The following FUCA2 variants were observed in gnomAD, a reference collection of about 807,000 sequenced individuals.
FUCA2 encodes the protein plasma alpha-L-fucosidase.
Under a neutral mutation model 52.6 loss-of-function variants are expected in FUCA2, and 41 were observed. The ratio of observed to expected loss-of-function variants is 0.78; its 90% CI spans 0.61 to 1.01. The LOEUF (loss-of-function observed/expected upper bound fraction) is 1.01. Ranked by LOEUF, FUCA2 falls within the 50% of genes least tolerant of loss-of-function variation. The probability of loss-of-function intolerance (pLI) is 0.00; values close to 1 mark genes in which losing one functional copy is unlikely to be tolerated. For synonymous variants in FUCA2, 211 were observed against 217.3 expected (o/e 0.97, Z 0.26); for missense variants, 507 against 569.5 (o/e 0.89, Z 1.12).
At chr6:143,508,519 G>A (rs905755687) in intron 1 of FUCA2, among the ~76,000 whole-genome samples, 1 of 152,250 alleles carries the variant, frequency 6.6e-6, no homozygotes, top group Non-Finnish European at 1.5e-5. Context: ...CTGCCCAAAA[G>A]TCGTATTTAC....
At chr6:143,506,304 C>T (rs1780607299) in intron 2 of FUCA2, 1 of 151,230 alleles carries the variant, frequency 6.6e-6, no homozygotes, top group African/African-American at 2.4e-5. Flanking sequence ...ACCTAAGCCT[C>T]CCAAGTAGCT....
In FUCA2 at chr6:143,509,099, G is replaced by A. The variant is rs1314002170; in HGVS notation, c.225-1675C>T. ...ATTCAGAAAGTTGAACAAGAATAAG[G>A]AATTTCTCCTAGCATCATCTAATTT... On this transcript the variant is annotated intron_variant, in intron 1 of 6. Transcript: ENST00000002165. This position sits in a 1 kb window ranked among gnomAD's most constrained non-coding sequence, Gnocchi z 5.4. Among the ~76,000 whole-genome samples, 4 of 152,122 alleles carry A rather than the reference G, an allele frequency of 2.6e-5. No individual in the cohort carries two copies. The highest frequency in any genetic ancestry group is 4.4e-5 in the Non-Finnish European group (3 of 68,020).
At chr6:143,498,711 G>A (rs558914607) in intron 5 of FUCA2, among the ~76,000 whole-genome samples, 2 of 152,154 alleles carry the variant, frequency 1.3e-5, no homozygotes, top group African/African-American at 2.4e-5. Context: ...CCTTCTCTCT[G>A]AGACTGGAAG....
rs1240590925 is a variant in FUCA2 at position 143,497,993 on chromosome 6, TA to T, written c.1155-497del. ...AGACACTAAACAATCACACAAATAA[TA>T]TGAAAGTGTGAGTTCTGATAAGCAC... On this transcript the variant is annotated intron_variant, in intron 5 of 6. Transcript: ENST00000002165. This position sits in a 1 kb window ranked among gnomAD's most constrained non-coding sequence, Gnocchi z 5.3. Among the ~76,000 whole-genome samples, 1 of 151,998 alleles carries T rather than the reference TA, an allele frequency of 6.6e-6. No individual in the cohort carries two copies. The highest frequency in any genetic ancestry group is 1.5e-5 in the Non-Finnish European group (1 of 68,000).
Position 143,495,950 on chromosome 6 carries a change from C to G in FUCA2, c.1264-103G>C. 1 of 1,157,272 alleles carries G rather than the reference C, an allele frequency of 8.6e-7. No homozygotes were observed. Among genetic ancestry groups the G allele is most frequent in the Non-Finnish European group, 1.2e-6 (1 of 807,776 alleles). 71.7% of individuals were successfully genotyped at this position (1,157,272 alleles called of 1,614,324 possible). On this transcript the variant is annotated intron_variant, in intron 6 of 6. Coordinates refer to ENST00000002165, the MANE Select transcript of FUCA2 (RefSeq NM_032020.5). This position sits in a 1 kb window ranked among gnomAD's most constrained non-coding sequence, Gnocchi z 5.2. ...TTAGTAGTTCAAACAAAATTGTAGA[C>G]AAGAGGTTCATTTTTACCTTTATTT...
Position 143,504,649 on chromosome 6 carries a change from G to A in FUCA2, c.413-397C>T, listed in dbSNP as rs1584028590. On this transcript the variant is annotated intron_variant, in intron 2 of 6. Transcript: ENST00000002165. The surrounding 1 kb of genome is among the most constrained non-coding windows in gnomAD (Gnocchi z 4.4). ...ACAACTAAGATGGGAACATATACAT[G>A]TACCATGCTAAATGATGACTACCAC... 3 of 161,942 alleles carry A rather than the reference G, an allele frequency of 1.9e-5. No homozygotes were observed. The highest frequency in any genetic ancestry group is 3.5e-4 in the East Asian group (2 of 5,636). 10.0% of individuals were successfully genotyped at this position (161,942 alleles called of 1,614,324 possible).
Position 143,507,264 on chromosome 6 carries a change from T to C in FUCA2, c.385A>G (p.Ile129Val). The change falls in exon 2 of 7, where the codon ATT becomes GTT. Residue 129 changes from isoleucine (I) to valine (V), a missense_variant. Transcript: ENST00000002165. The surrounding 1 kb of genome is among the most constrained non-coding windows in gnomAD (Gnocchi z 4.5). The stretch of plus-strand genomic sequence containing the variant: ...TCATGATGTTTGGAAGTTAAGACAA[T>C]GTATTTGGCACCAGAGGCCTGAAAA... ...DIFQASGAKY[I>V]VLTSKHHEGF... The C allele has an allele frequency of 6.3e-7, 1 of 1,599,694 alleles. No individual in the cohort carries two copies. The highest frequency in any genetic ancestry group is 1.1e-5 in the South Asian group (1 of 87,972).
At position 143,502,963 on chromosome 6, in the gene FUCA2, A is replaced by G. The variant is rs1780550834; in HGVS notation, c.753-398T>C. 1 of 165,866 alleles carries G rather than the reference A, an allele frequency of 6.0e-6. No homozygotes were observed. The highest frequency in any genetic ancestry group is 1.3e-5 in the Non-Finnish European group (1 of 75,388). The allele number at this position is 165,866 out of a possible 1,614,324, so 10.3% of individuals were successfully genotyped here. On this transcript the variant is annotated intron_variant, in intron 3 of 6. Coordinates refer to ENST00000002165, the MANE Select transcript of FUCA2 (RefSeq NM_032020.5). The surrounding 1 kb of genome is among the most constrained non-coding windows in gnomAD (Gnocchi z 4.1). ...TATACCCAAGACACTTTTCTTTTCAATGATTCAATGATCTCATACATGTAG... is the reference window on the plus strand; with the variant it reads ...TATACCCAAGACACTTTTCTTTTCAGTGATTCAATGATCTCATACATGTAG...
chr6:143,495,534 G>T lies in FUCA2; in HGVS notation c.*173C>A, dbSNP rs1208035885. ...GCAAAGTGCACTGGAGAGTTAAAAT[G>T]GTTACATGGGTAATTTAAGAAAAAA... On this transcript the variant is annotated 3_prime_UTR_variant, in exon 7 of 7. Coordinates refer to ENST00000002165, the MANE Select transcript of FUCA2 (RefSeq NM_032020.5). This position sits in a 1 kb window ranked among gnomAD's most constrained non-coding sequence, Gnocchi z 5.2. 5.2e-6 allele frequency: 3 copies of T among 572,638 alleles called. No homozygotes were observed. 35.5% of individuals were successfully genotyped at this position (572,638 alleles called of 1,614,324 possible).
rs1780554510 is a variant in FUCA2 at position 143,503,258 on chromosome 6, TG to T, written c.752+654del. Reference sequence around the variant, plus strand: ...AGAATATTTGTATTTGTGCCCTTTGTGGGCCCAGGAAGTGCAAGCAGAAGGT... The same window carrying T: ...AGAATATTTGTATTTGTGCCCTTTGTGGCCCAGGAAGTGCAAGCAGAAGGT... On this transcript the variant is annotated intron_variant, in intron 3 of 6. Coordinates refer to ENST00000002165, the MANE Select transcript of FUCA2 (RefSeq NM_032020.5). The surrounding 1 kb of genome is among the most constrained non-coding windows in gnomAD (Gnocchi z 4.8). 2 of 152,576 alleles carry T rather than the reference TG, an allele frequency of 1.3e-5. No individual in the cohort carries two copies. Among genetic ancestry groups the T allele is most frequent in the Admixed American group, 1.3e-4 (2 of 15,304 alleles). The allele number at this position is 152,576 out of a possible 1,614,324, so 9.5% of individuals were successfully genotyped here. A position where few individuals can be genotyped will look rare whatever the true frequency, so the allele number is the denominator to read the frequency against.
rs3789788 is a variant in FUCA2, at chr6:143,502,621, A to T, written c.753-56T>A. On this transcript the variant is annotated intron_variant, in intron 3 of 6. Coordinates refer to ENST00000002165, the MANE Select transcript of FUCA2 (RefSeq NM_032020.5). The surrounding 1 kb of genome is among the most constrained non-coding windows in gnomAD (Gnocchi z 4.1). ...AAAGGTATAAGCTTTTTATACAAAA[A>T]GAAATGTCACTGAAAAGACATGTAA... 8 of 1,414,780 alleles carry T rather than the reference A, an allele frequency of 5.7e-6. No individual in the cohort carries two copies. The African/African-American group carries it at 1.1e-4, about 20-fold the overall frequency. 87.6% of individuals were successfully genotyped at this position (1,414,780 alleles called of 1,614,324 possible).
rs768464986 is a variant in FUCA2, at chr6:143,501,985, A to T, written c.1101T>A (p.Ile367=). The change falls in exon 5 of 7, where the codon ATT becomes ATA. Residue 367 remains isoleucine, a synonymous_variant. Coordinates refer to ENST00000002165, the MANE Select transcript of FUCA2 (RefSeq NM_032020.5). The surrounding 1 kb of genome is among the most constrained non-coding windows in gnomAD (Gnocchi z 6.1). ...GGGATCGCCAGGTATGGGTTTCATAAATAGCTTCTCCATTGACTTTTAGCC... is the reference window on the plus strand; with the variant it reads ...GGGATCGCCAGGTATGGGTTTCATATATAGCTTCTCCATTGACTTTTAGCC... ...GSWLKVNGEA[I]YETHTWRSQN... is the part of the protein sequence containing the mutation. 1 of 1,613,898 alleles carries T rather than the reference A, an allele frequency of 6.2e-7. No homozygotes were observed. Among genetic ancestry groups the T allele is most frequent in the East Asian group, 2.2e-5 (1 of 44,880 alleles).
At position 143,507,221 on chromosome 6, in the gene FUCA2, G is replaced by A. The variant is rs753376970; in HGVS notation, c.412+16C>T. ...TTAACCATTGTCAGCAATTTCCATA[G>A]GCTGGATTGACTTACCTTCATGATG... On this transcript the variant is annotated intron_variant, in intron 2 of 6. Coordinates refer to ENST00000002165, the MANE Select transcript of FUCA2 (RefSeq NM_032020.5). The surrounding 1 kb of genome is among the most constrained non-coding windows in gnomAD (Gnocchi z 4.5). 1 of 1,563,738 alleles carries A rather than the reference G, an allele frequency of 6.4e-7. No homozygotes were observed. Among genetic ancestry groups the A allele is most frequent in the Non-Finnish European group, 8.6e-7 (1 of 1,163,264 alleles).
At position 143,507,033 on chromosome 6, in the gene FUCA2, C is replaced by T. The variant is rs150559460; in HGVS notation, c.412+204G>A. On this transcript the variant is annotated intron_variant, in intron 2 of 6. Coordinates refer to ENST00000002165, the MANE Select transcript of FUCA2 (RefSeq NM_032020.5). This position sits in a 1 kb window ranked among gnomAD's most constrained non-coding sequence, Gnocchi z 4.5. ...AAACGTGACCATCTTTCCTCTGTTA[C>T]GTGGCGGGTATGATCCTTTCTGTAT... 2,380 of 506,292 alleles carry T rather than the reference C, an allele frequency of 4.7e-3. 13 individuals carry two copies. The highest frequency in any genetic ancestry group is 6.9e-3 in the Non-Finnish European group (2,036 of 293,488). 31.4% of individuals were successfully genotyped at this position (506,292 alleles called of 1,614,324 possible).
Position 143,497,391 on chromosome 6 carries a change from C to G in FUCA2, c.1261G>C (p.Glu421Gln). ...GHPKAILGAT[E>Q]VKLLGHGQPL... ...AATAAGGTAAAATTCCCTCTTACCT[C>G]TGTTGCCCCCAGAATAGCTTTGGGA... is the stretch of plus-strand genomic sequence containing the variant. The change falls in exon 6 of 7, where the codon GAG becomes CAG. Residue 421 changes from glutamate (E) to glutamine (Q), a missense_variant and splice_region_variant. Glu to Gln is a conservative substitution (Grantham distance 29). Transcript: ENST00000002165. This position sits in a 1 kb window ranked among gnomAD's most constrained non-coding sequence, Gnocchi z 5.3. 6.2e-7 allele frequency: 1 copy of G among 1,601,936 alleles called. No individual in the cohort carries two copies.
At position 143,497,251 on chromosome 6, in the gene FUCA2, A is replaced by G; in HGVS notation, c.1263+138T>C. 3.1e-6 allele frequency: 2 copies of G among 645,316 alleles called. No individual in the cohort carries two copies. Among genetic ancestry groups the G allele is most frequent in the East Asian group, 2.8e-5 (1 of 35,764 alleles). 40.0% of individuals were successfully genotyped at this position (645,316 alleles called of 1,614,324 possible). ...TGCTGGAATTACAGTGTGAGCCACAATGCTTGGCTGGAGCTCATTTACAAT... is the reference window on the plus strand; with the variant it reads ...TGCTGGAATTACAGTGTGAGCCACAGTGCTTGGCTGGAGCTCATTTACAAT... On this transcript the variant is annotated intron_variant, in intron 6 of 6. Coordinates refer to ENST00000002165, the MANE Select transcript of FUCA2 (RefSeq NM_032020.5). The surrounding 1 kb of genome is among the most constrained non-coding windows in gnomAD (Gnocchi z 5.3).
intron 5 of FUCA2, among the ~76,000 whole-genome samples, chr6:143,498,804 T>A (rs1014823299): frequency 2.6e-5 from 4 of 151,906 alleles, no homozygotes; most frequent in African/African-American, 9.7e-5. Context: ...GGTTAAAGGG[T>A]AGAAATAGAG....
rs996515802 is a variant in FUCA2 at position 143,503,866 on chromosome 6, T to C, written c.752+47A>G. On this transcript the variant is annotated intron_variant, in intron 3 of 6. Transcript: ENST00000002165. The surrounding 1 kb of genome is among the most constrained non-coding windows in gnomAD (Gnocchi z 4.8). ...TGAAGGAATTAAAATGTTAGAAATA[T>C]ATTAGGAATATGGAGGGTAACTGCA... is the stretch of plus-strand genomic sequence containing the variant. 8 of 1,375,450 alleles carry C rather than the reference T, an allele frequency of 5.8e-6. No homozygotes were observed. The highest frequency in any genetic ancestry group is 4.6e-5 in the East Asian group (2 of 43,346). The allele number at this position is 1,375,450 out of a possible 1,614,324, so 85.2% of individuals were successfully genotyped here.
Position 143,500,257 on chromosome 6 carries a change from T to C in FUCA2, c.1154+1675A>G, listed in dbSNP as rs1034697783. On this transcript the variant is annotated intron_variant, in intron 5 of 6. Transcript: ENST00000002165. The surrounding 1 kb of genome is among the most constrained non-coding windows in gnomAD (Gnocchi z 6.9). ...GATAAGGAAAAAGACAGAGAAAAGA[T>C]GATAGGATTAAAAGATAGTATGATC... is the stretch of plus-strand genomic sequence containing the variant. Among the ~76,000 whole-genome samples the C allele has an allele frequency of 2.6e-5, 4 of 151,926 alleles. No individual in the cohort carries two copies. Among genetic ancestry groups the C allele is most frequent in the African/African-American group, 9.7e-5 (4 of 41,346 alleles).
Sources: allele counts gnomAD v4.1 joint callset (sites outside exome capture counted in the v4.1 genomes callset), GRCh38; gene constraint gnomAD v4.1.1; non-coding constraint Gnocchi (gnomAD v3.1); transcripts MANE v1.5; gene names NCBI Gene and HGNC (gene_info 2026-07-23, HGNC 2026-07-21).